ARHGEF3: variants seen among roughly 807,000 people sequenced by gnomAD.
The protein encoded by ARHGEF3 is Rho guanine nucleotide exchange factor 3.
A neutral mutation model predicts 63.2 loss-of-function variants in ARHGEF3; 28 were observed. The observed-to-expected ratio is 0.44, with a 90% CI of 0.33 to 0.61. The LOEUF is 0.61. ARHGEF3 is among the 20% of genes least tolerant of loss of function. The pLI, the probability that ARHGEF3 is intolerant of heterozygous loss-of-function variation, is 0.03. For missense variants in ARHGEF3, 533 were observed against 659.3 expected (o/e 0.81, Z 2.10); for synonymous variants, 266 against 254.2 (o/e 1.05, Z -0.44).
intron 4 of ARHGEF3, among the ~76,000 whole-genome samples, chr3:56,824,522 T>C (rs1192906669): frequency 6.6e-6 from 1 of 152,236 alleles, no homozygotes. Context: ...CAGGCTCTAC[T>C]ACTTCTTTGA....
At chr3:56,971,723 G>A (rs989991224) in intron 2 of ARHGEF3, among the ~76,000 whole-genome samples, 1 of 151,920 alleles carries the variant, frequency 6.6e-6, no homozygotes, top group Non-Finnish European at 1.5e-5. Flanking sequence ...GCATGGTGGC[G>A]GGCAACTGTA....
intron 3 of ARHGEF3, among the ~76,000 whole-genome samples, chr3:56,936,971 G>T (rs1473609770): frequency 5.9e-5 from 9 of 152,164 alleles, no homozygotes; most frequent in Admixed American, 5.2e-4. Flanking sequence ...CACCCGCCTT[G>T]ACCTCCCAAA....
At chr3:56,881,378 G>A (rs1269875516) in intron 4 of ARHGEF3, among the ~76,000 whole-genome samples, 2 of 152,314 alleles carry the variant, frequency 1.3e-5, no homozygotes, top group South Asian at 2.1e-4. Context: ...CCCCAGGGAT[G>A]TGCAGATGAT....
intron 2 of ARHGEF3, among the ~76,000 whole-genome samples, chr3:56,998,860 T>C (rs1702086801): frequency 6.6e-6 from 1 of 152,214 alleles, no homozygotes; most frequent in African/African-American, 2.4e-5. Flanking sequence ...GCAGATCCCA[T>C]GTCCACCTTT....
chr3:57,067,348 G>A (rs6445849), intron 1 of ARHGEF3, among the ~76,000 whole-genome samples: 107,740 of 151,218 alleles, frequency 0.71, 38,618 homozygotes, highest in Admixed American at 0.75. Flanking sequence ...CCAGTTACTC[G>A]GGAGGCTGAG....
chr3:56,746,818 TATTGAA>T (rs1175812440), intron 6 of ARHGEF3, among the ~76,000 whole-genome samples: 2 of 152,158 alleles, frequency 1.3e-5, no homozygotes, highest in Admixed American at 6.5e-5. Context: ...TTACACCTCT[TATTGAA>T]ATTATTTCCT....
intron 4 of ARHGEF3, among the ~76,000 whole-genome samples, chr3:56,851,108 G>A (rs2039662518): frequency 6.6e-6 from 1 of 151,978 alleles, no homozygotes; most frequent in African/African-American, 2.4e-5. Context: ...ACTAAGGGTG[G>A]GTACATGTGT....
At chr3:56,964,243 C>T (rs974366079) in intron 2 of ARHGEF3, among the ~76,000 whole-genome samples, 1 of 150,918 alleles carries the variant, frequency 6.6e-6, no homozygotes, top group African/African-American at 2.4e-5. Context: ...GTCCCAGCTA[C>T]TTGGGAGGCT....
chr3:57,067,981 C>T (rs992485761), intron 1 of ARHGEF3, among the ~76,000 whole-genome samples: 2 of 151,298 alleles, frequency 1.3e-5, no homozygotes. Context: ...CAGAGCAAGA[C>T]TCCGTCTCAA....
intron 3 of ARHGEF3, among the ~76,000 whole-genome samples, chr3:56,914,275 G>GA (rs1414992981): frequency 1.3e-5 from 2 of 152,044 alleles, no homozygotes; most frequent in East Asian, 1.9e-4. Context: ...TGACTTATGG[G>GA]AAAAAAATTG....
intron 1 of ARHGEF3, among the ~76,000 whole-genome samples, chr3:57,060,174 G>A (rs1359523133): frequency 1.3e-5 from 2 of 151,714 alleles, no homozygotes; most frequent in African/African-American, 2.4e-5. Context: ...TTTAAAATTA[G>A]CTGGGTGTGT....
intron 1 of ARHGEF3, among the ~76,000 whole-genome samples, chr3:56,800,720 G>A (rs1330378233): frequency 2.6e-5 from 4 of 152,232 alleles, no homozygotes; most frequent in African/African-American, 9.6e-5. Context: ...CCCAGTGGTG[G>A]TGGTGATGTT....
chr3:57,017,900 G>C (rs1281706609), intron 2 of ARHGEF3, among the ~76,000 whole-genome samples: 1 of 152,214 alleles, frequency 6.6e-6, no homozygotes, highest in African/African-American at 2.4e-5. Flanking sequence ...AATAGGAAGA[G>C]AAACGAGCTT....
At chr3:56,985,956 C>G (rs1480951442) in intron 2 of ARHGEF3, among the ~76,000 whole-genome samples, 2 of 152,164 alleles carry the variant, frequency 1.3e-5, no homozygotes, top group African/African-American at 4.8e-5. Flanking sequence ...CTGCTGGGCT[C>G]CCAGAGAAGG....
At position 56,781,445 on chromosome 3, in the gene ARHGEF3, C is replaced by T. The variant is rs536750576; in HGVS notation, c.97-7629G>A. On this transcript the variant is annotated intron_variant, in intron 1 of 9. Transcript: ENST00000296315. ...TATTTTTAGTAAAGACAGGGTTTCACCATGTTGGCCAGGCTGGTCTCAACT... is the reference window on the plus strand; with the variant it reads ...TATTTTTAGTAAAGACAGGGTTTCATCATGTTGGCCAGGCTGGTCTCAACT... Among the ~76,000 whole-genome samples, 556 of 116,942 alleles carry T rather than the reference C, an allele frequency of 4.8e-3. 6 individuals carry two copies. The highest frequency in any genetic ancestry group is 0.014 in the African/African-American group (516 of 36,146). 76.7% of individuals were successfully genotyped at this position (116,942 alleles called of 152,430 possible). A position where few individuals can be genotyped will look rare whatever the true frequency, so the allele number is the denominator to read the frequency against.
At chr3:57,063,477 G>A (rs1705348002) in intron 1 of ARHGEF3, among the ~76,000 whole-genome samples, 1 of 152,158 alleles carries the variant, frequency 6.6e-6, no homozygotes, top group Non-Finnish European at 1.5e-5. Flanking sequence ...CCTGGAGGGT[G>A]GTAGGAGCGG....
intron 1 of ARHGEF3, chr3:57,074,570 T>C (rs1462792717): frequency 3.0e-6 from 1 of 334,436 alleles, no homozygotes; most frequent in Non-Finnish European, 5.8e-6. Context: ...GATCAATCAA[T>C]CGATCAATCA....
intron 2 of ARHGEF3, among the ~76,000 whole-genome samples, chr3:57,001,455 A>G (rs34349573): frequency 0.16 from 24,458 of 152,246 alleles, 2,247 homozygotes; most frequent in Non-Finnish European, 0.21. Context: ...CTAGGGAATC[A>G]CGACAGATGC....
At chr3:56,840,432 T>G (rs958913997) in intron 4 of ARHGEF3, among the ~76,000 whole-genome samples, 2 of 152,216 alleles carry the variant, frequency 1.3e-5, no homozygotes, top group Non-Finnish European at 2.9e-5. Context: ...GGTAAGAAGG[T>G]TGAGGCTCCA....
Sources: allele counts gnomAD v4.1 joint callset (sites outside exome capture counted in the v4.1 genomes callset), GRCh38; gene constraint gnomAD v4.1.1; transcripts MANE v1.5; gene names NCBI Gene and HGNC (gene_info 2026-07-23, HGNC 2026-07-21).